NRG1: variants seen among roughly 807,000 people sequenced by gnomAD.
NRG1 encodes neuregulin 1.
A neutral mutation model predicts 63.8 loss-of-function variants in NRG1; 18 were observed. The ratio of observed to expected loss-of-function variants is 0.28; its 90% CI spans 0.19 to 0.42. The LOEUF is 0.42. NRG1 is among the 10% of genes least tolerant of loss of function. The pLI, the probability that NRG1 is intolerant of heterozygous loss-of-function variation, is 1.00. For synonymous variants in NRG1, 302 were observed against 301.3 expected, an observed-to-expected ratio of 1.00 and a Z score of -0.02; for missense variants, 762 against 814.7, an observed-to-expected ratio of 0.94 and a Z score of 0.79.
chr8:32,250,665 T>C (rs1849007089), intron 1 of NRG1, among the ~76,000 whole-genome samples: 1 of 152,194 alleles, frequency 6.6e-6, no homozygotes. Flanking sequence ...AAAATGAATT[T>C]AGTAACCTTT....
chr8:32,725,253 AC>A (rs1283407955), intron 5 of NRG1, among the ~76,000 whole-genome samples: 3 of 151,962 alleles, frequency 2.0e-5, no homozygotes, highest in Non-Finnish European at 4.4e-5. Context: ...ATCTTTAGCA[AC>A]CTGTCAGAGA....
At position 32,095,987 on chromosome 8, in the gene NRG1, T is replaced by G. The variant is rs561609735; in HGVS notation, c.37+456556T>G. ...CTCTCTGAGAAGGAGACTTTGAGCTTGGAGATCTGAGTAACAAGAAGAAGC... is the reference window on the plus strand; with the variant it reads ...CTCTCTGAGAAGGAGACTTTGAGCTGGGAGATCTGAGTAACAAGAAGAAGC... On this transcript the variant is annotated intron_variant, in intron 1 of 10. Coordinates refer to the NRG1 transcript ENST00000519301. Among the ~76,000 whole-genome samples the G allele has an allele frequency of 2.0e-5, 3 of 152,222 alleles. No homozygotes were observed. In the East Asian group the frequency reaches 5.8e-4, roughly 29 times the overall value.
chr8:32,748,276 GC>G (rs1564097575), intron 7 of NRG1, among the ~76,000 whole-genome samples: 2 of 151,236 alleles, frequency 1.3e-5, no homozygotes, highest in Non-Finnish European at 2.9e-5. Context: ...CCATTGATAT[GC>G]TGTCTCTCCT....
chr8:32,095,747 T>G (rs1367053827), intron 1 of NRG1, among the ~76,000 whole-genome samples: 1 of 152,212 alleles, frequency 6.6e-6, no homozygotes, highest in Non-Finnish European at 1.5e-5. Context: ...AATATCAACA[T>G]TTATACAAAT....
chr8:32,701,966 A>G (rs1397296607), intron 5 of NRG1, among the ~76,000 whole-genome samples: 1 of 152,240 alleles, frequency 6.6e-6, no homozygotes, highest in Admixed American at 6.5e-5. Flanking sequence ...AGATAAATCA[A>G]AGTGCTAGGA....
At chr8:32,165,919 CAT>C (rs1480715400) in intron 1 of NRG1, among the ~76,000 whole-genome samples, 2 of 152,188 alleles carry the variant, frequency 1.3e-5, no homozygotes, top group African/African-American at 4.8e-5. Flanking sequence ...AAACATGCCA[CAT>C]GTGTTCGGTC....
intron 5 of NRG1, among the ~76,000 whole-genome samples, chr8:32,622,833 T>A (rs796444373): frequency 6.6e-6 from 1 of 152,184 alleles, no homozygotes; most frequent in Non-Finnish European, 1.5e-5. Context: ...AGAGAGCTAG[T>A]GTGTGGAAAA....
chr8:32,232,656 G>A (rs967384669), intron 1 of NRG1, among the ~76,000 whole-genome samples: 8 of 152,208 alleles, frequency 5.3e-5, no homozygotes, highest in African/African-American at 1.9e-4. Flanking sequence ...GCTGTCCCTG[G>A]TCATGAAATT....
intron 1 of NRG1, among the ~76,000 whole-genome samples, chr8:32,266,534 C>T (rs943821032): frequency 6.6e-6 from 1 of 152,020 alleles, no homozygotes; most frequent in Non-Finnish European, 1.5e-5. Context: ...AGGAAGGATG[C>T]TTCAGAAGAG....
intron 1 of NRG1, among the ~76,000 whole-genome samples, chr8:31,939,988 C>T (rs1801511232): frequency 1.3e-5 from 2 of 152,100 alleles, no homozygotes; most frequent in Non-Finnish European, 2.9e-5. Flanking sequence ...CAGTACTCCC[C>T]TGACAGCACT....
At chr8:31,881,008 C>G (rs1217368102) in intron 1 of NRG1, among the ~76,000 whole-genome samples, 2 of 152,272 alleles carry the variant, frequency 1.3e-5, no homozygotes, top group South Asian at 2.1e-4. Flanking sequence ...AGTCCCACAA[C>G]TTTGCATCAA....
At chr8:31,701,085 C>G (rs1374843413) in intron 1 of NRG1, among the ~76,000 whole-genome samples, 1 of 152,090 alleles carries the variant, frequency 6.6e-6, no homozygotes, top group Non-Finnish European at 1.5e-5. Flanking sequence ...CAGATACTTC[C>G]TATTGCCAAA....
rs1205372917 is a variant in NRG1 at position 32,260,941 on chromosome 8, CACTT to C, written c.38-334885_38-334882del. 2.0e-5 allele frequency among the ~76,000 whole-genome samples: 3 copies of C among 152,286 alleles called. No homozygotes were observed. In the East Asian group the frequency reaches 5.8e-4, roughly 29 times the overall value. ...TACAGTTTAAGTTATGGAAGAAAAA[CACTT>C]AATGCTTATTGGCCACTGGAGGATA... On this transcript the variant is annotated intron_variant, in intron 1 of 10. Transcript: ENST00000519301.
intron 1 of NRG1, among the ~76,000 whole-genome samples, chr8:31,751,136 G>C (rs1420739834): frequency 1.3e-5 from 2 of 151,994 alleles, no homozygotes; most frequent in Non-Finnish European, 2.9e-5. Flanking sequence ...CATTGCAGGA[G>C]AGGAGGAAAT....
chr8:32,280,698 T>TG (rs1852645764), intron 1 of NRG1, among the ~76,000 whole-genome samples: 3 of 133,144 alleles, frequency 2.3e-5, no homozygotes, highest in Non-Finnish European at 3.3e-5. Context: ...TTTGTTTTTT[T>TG]TTTTTTTTTT....
At chr8:32,125,857 C>T (rs920001163) in intron 1 of NRG1, among the ~76,000 whole-genome samples, 8 of 151,746 alleles carry the variant, frequency 5.3e-5, no homozygotes, top group African/African-American at 1.9e-4. Flanking sequence ...TTTTGAAAAA[C>T]CTTGTCACAA....
chr8:32,401,420 A>G (rs958148555), intron 1 of NRG1, among the ~76,000 whole-genome samples: 2 of 152,048 alleles, frequency 1.3e-5, no homozygotes, highest in Non-Finnish European at 2.9e-5. Flanking sequence ...TCATTTATCT[A>G]TTTTATTCAT....
intron 1 of NRG1, among the ~76,000 whole-genome samples, chr8:32,396,439 T>C (rs915679014): frequency 2.0e-5 from 3 of 152,132 alleles, no homozygotes; most frequent in Admixed American, 2.0e-4. Flanking sequence ...TTCGCCCAAA[T>C]GGTACATTTA....
At chr8:32,069,187 T>C (rs1007540056) in intron 1 of NRG1, among the ~76,000 whole-genome samples, 2 of 152,098 alleles carry the variant, frequency 1.3e-5, no homozygotes, top group African/African-American at 4.8e-5. Flanking sequence ...TCTTTTAGAG[T>C]TCAAAGTGAA....
Sources: allele counts gnomAD v4.1 joint callset (sites outside exome capture counted in the v4.1 genomes callset), GRCh38; gene constraint gnomAD v4.1.1; transcripts MANE v1.5; gene names NCBI Gene and HGNC (gene_info 2026-07-23, HGNC 2026-07-21).